CFAP299: variants seen among roughly 807,000 people sequenced by gnomAD.
CFAP299 encodes cilia and flagella associated protein 299, also known as cilia- and flagella-associated protein 299.
A neutral mutation model predicts 27.0 loss-of-function variants in CFAP299; 21 were observed. That is an observed-to-expected ratio of 0.78 (90% CI 0.55 to 1.12). CFAP299 has a LOEUF of 1.12. Ranked by LOEUF, CFAP299 falls within the 50% of genes most tolerant of loss-of-function variation. CFAP299 has a pLI of 0.00. For missense variants in CFAP299, 310 were observed against 276.6 expected, an observed-to-expected ratio of 1.12 and a Z score of -0.86; for synonymous variants, 104 against 98.1, an observed-to-expected ratio of 1.06 and a Z score of -0.36.
chr4:80,891,552 G>T (rs1283341945), intron 4 of CFAP299, among the ~76,000 whole-genome samples: 2 of 126,872 alleles, frequency 1.6e-5, no homozygotes, highest in African/African-American at 3.1e-5. Context: ...ACTCATAGGT[G>T]GGAATTGAAC....
chr4:80,929,712 C>T (rs1038390907), intron 4 of CFAP299, among the ~76,000 whole-genome samples: 4 of 152,264 alleles, frequency 2.6e-5, no homozygotes, highest in Middle Eastern at 6.8e-3. Context: ...ATTCATCACC[C>T]ATTGCCAGGA....
At chr4:80,861,238 T>G (rs1318058076) in intron 3 of CFAP299, among the ~76,000 whole-genome samples, 1 of 152,152 alleles carries the variant, frequency 6.6e-6, no homozygotes, top group African/African-American at 2.4e-5. Flanking sequence ...AATCTCCTGG[T>G]GCGCCGTTTT....
intron 2 of CFAP299, among the ~76,000 whole-genome samples, chr4:80,432,572 G>A (rs1283084999): frequency 7.5e-5 from 9 of 119,214 alleles, no homozygotes; most frequent in East Asian, 2.5e-4. Flanking sequence ...TCACTCTGTC[G>A]CCCAGGCTGG....
At chr4:80,629,614 T>G (rs916650519) in intron 3 of CFAP299, among the ~76,000 whole-genome samples, 1 of 152,086 alleles carries the variant, frequency 6.6e-6, no homozygotes, top group African/African-American at 2.4e-5. Flanking sequence ...GTGCAGTGGC[T>G]CACACCTGTA....
chr4:80,927,465 T>C (rs28507174), intron 4 of CFAP299, among the ~76,000 whole-genome samples: 17,554 of 152,028 alleles, frequency 0.12, 2,219 homozygotes, highest in African/African-American at 0.31. Flanking sequence ...TTACTACAAA[T>C]TTAGTGGCTT....
chr4:80,437,350 C>T lies in CFAP299; in HGVS notation c.242+74466C>T, dbSNP rs577733472. Among the ~76,000 whole-genome samples the T allele has an allele frequency of 3.4e-4, 51 of 152,200 alleles. No individual in the cohort carries two copies. In the East Asian group the frequency reaches 9.3e-3, roughly 28 times the overall value. ...TGCCCACTACTAATAAGCTAGCCTG[C>T]AATAGTGTAATGAATGCGGCAGGAG... is the stretch of plus-strand genomic sequence containing the variant. On this transcript the variant is annotated intron_variant, in intron 2 of 5. Coordinates refer to ENST00000358105, the MANE Select transcript of CFAP299 (RefSeq NM_152770.3).
intron 2 of CFAP299, among the ~76,000 whole-genome samples, chr4:80,483,549 C>G (rs1310625727): frequency 6.6e-6 from 1 of 151,696 alleles, no homozygotes; most frequent in African/African-American, 2.4e-5. Context: ...GGGTTTAAAG[C>G]AAGACTAAAA....
intron 3 of CFAP299, among the ~76,000 whole-genome samples, chr4:80,796,726 A>G (rs1255819001): frequency 6.6e-6 from 1 of 152,158 alleles, no homozygotes; most frequent in Non-Finnish European, 1.5e-5. Context: ...GTGGGAGTCA[A>G]CACTCCTGCA....
intron 4 of CFAP299, among the ~76,000 whole-genome samples, chr4:80,891,009 T>C (rs1383291652): frequency 1.3e-5 from 2 of 152,072 alleles, no homozygotes; most frequent in African/African-American, 4.8e-5. Flanking sequence ...ATTTTGTAGG[T>C]TGCCTGTTCA....
chr4:80,629,885 C>CAA (rs35985770), intron 3 of CFAP299, among the ~76,000 whole-genome samples: 140 of 145,022 alleles, frequency 9.7e-4, no homozygotes, highest in East Asian at 5.6e-3. Flanking sequence ...AAAAAAAAAA[C>CAA]AAAAAAAACA....
chr4:80,735,585 C>T (rs1723809085), intron 3 of CFAP299, among the ~76,000 whole-genome samples: 3 of 152,018 alleles, frequency 2.0e-5, no homozygotes, highest in Non-Finnish European at 1.5e-5. Flanking sequence ...TCATATATGG[C>T]TTTTATTATG....
rs1450093917 is a variant in CFAP299 at position 80,583,139 on chromosome 4, G to A, written c.289G>A (p.Ala97Thr). The A allele has an allele frequency of 1.8e-5, 29 of 1,605,384 alleles. No homozygotes were observed. Among genetic ancestry groups the A allele is most frequent in the Non-Finnish European group, 2.4e-5 (28 of 1,174,572 alleles). ...GKDLQDNFLT[A>T]LAMREEDNRS... Reference sequence around the variant, plus strand: ...AGACCTACAAGATAATTTTCTGACGGCCCTGGCAATGAGAGAAGAAGACAA... The same window carrying A: ...AGACCTACAAGATAATTTTCTGACGACCCTGGCAATGAGAGAAGAAGACAA... The change falls in exon 3 of 6, where the codon GCC becomes ACC. Residue 97 changes from alanine (A) to threonine (T), a missense_variant. Ala to Thr is a moderately conservative substitution (Grantham distance 58). Transcript: ENST00000358105.
intron 3 of CFAP299, among the ~76,000 whole-genome samples, chr4:80,858,343 C>T (rs917784354): frequency 3.3e-5 from 5 of 151,796 alleles, no homozygotes; most frequent in African/African-American, 1.2e-4. Flanking sequence ...TTTTGTTGAT[C>T]CTTTCAAAAA....
At chr4:80,868,458 T>C (rs986159644) in intron 3 of CFAP299, among the ~76,000 whole-genome samples, 1 of 152,198 alleles carries the variant, frequency 6.6e-6, no homozygotes, top group Non-Finnish European at 1.5e-5. Context: ...AAGATAGTAC[T>C]TCATGCATTT....
chr4:80,504,480 T>TAC (rs1731905405), intron 2 of CFAP299, among the ~76,000 whole-genome samples: 1 of 121,310 alleles, frequency 8.2e-6, no homozygotes, highest in African/African-American at 3.0e-5. Context: ...TATATATATA[T>TAC]ATATATATAT....
intron 2 of CFAP299, among the ~76,000 whole-genome samples, chr4:80,442,297 T>A (rs1377423431): frequency 1.3e-5 from 2 of 152,146 alleles, no homozygotes; most frequent in African/African-American, 4.8e-5. Context: ...ATTGACCACA[T>A]AATTAGAAGT....
chr4:80,885,285 C>A lies in CFAP299; in HGVS notation c.476+15150C>A, dbSNP rs531473516. 6.6e-5 allele frequency among the ~76,000 whole-genome samples: 10 copies of A among 152,278 alleles called. No homozygotes were observed. In the South Asian group the frequency reaches 1.9e-3, roughly 28 times the overall value. ...ATTTTAGATAAACTTGAAAGGCAGTCTAGGACACAAGGACTGCAATCAATT... is the reference window on the plus strand; with the variant it reads ...ATTTTAGATAAACTTGAAAGGCAGTATAGGACACAAGGACTGCAATCAATT... On this transcript the variant is annotated intron_variant, in intron 4 of 5. Transcript: ENST00000358105.
chr4:80,862,432 A>C (rs149459024), intron 3 of CFAP299, among the ~76,000 whole-genome samples: 1 of 152,344 alleles, frequency 6.6e-6, no homozygotes, highest in African/African-American at 2.4e-5. Context: ...TACGTCTTAT[A>C]AACTAGGAGA....
chr4:80,824,125 C>T (rs1578158325), intron 3 of CFAP299, among the ~76,000 whole-genome samples: 2 of 151,882 alleles, frequency 1.3e-5, no homozygotes, highest in African/African-American at 4.8e-5. Flanking sequence ...TAGGAAGCAC[C>T]AGGAATCTGT....
Sources: gnomAD v4.1 joint callset for allele counts (sites outside exome capture counted in the v4.1 genomes callset) on GRCh38, gnomAD v4.1.1 for gene constraint, MANE v1.5 for transcripts, NCBI Gene and HGNC (gene_info 2026-07-23, HGNC 2026-07-21) for gene names.